BRINP1: variants seen among roughly 807,000 people sequenced by gnomAD.
The protein encoded by BRINP1 is BMP/retinoic acid inducible neural specific 1.
BRINP1 carries 17 observed loss-of-function variants against 72.9 expected under a neutral mutation model. The ratio of observed to expected loss-of-function variants is 0.23; its 90% CI spans 0.16 to 0.35. The LOEUF is 0.35. Among genes scored for constraint, BRINP1 ranks in the 10% least tolerant of loss-of-function variants. The pLI, the probability that BRINP1 is intolerant of heterozygous loss-of-function variation, is 1.00. For missense variants in BRINP1, 850 were observed against 1,001.6 expected, an observed-to-expected ratio of 0.85 and a Z score of 2.04; for synonymous variants, 418 against 378.5, an observed-to-expected ratio of 1.10 and a Z score of -1.21.
chr9:119,303,875 CT>C (rs11292229), intron 2 of BRINP1, among the ~76,000 whole-genome samples: 64,221 of 138,596 alleles, frequency 0.46, 14,425 homozygotes, highest in African/African-American at 0.56. Context: ...CTCTTTTTTT[CT>C]TTTTTTTTTT....
Position 119,167,283 on chromosome 9 carries a change from A to C in BRINP1, c.2087T>G (p.Leu696Trp). 2 of 1,614,146 alleles carry C rather than the reference A, an allele frequency of 1.2e-6. No individual in the cohort carries two copies. Among genetic ancestry groups the C allele is most frequent in the Non-Finnish European group, 1.7e-6 (2 of 1,180,034 alleles). ...FYSSSSVMLL[L>W]LDIRDRINRL... ...ATTAATTCGGTCCCGAATATCCAAC[A>C]AGAGGAGCATCACTGACGAAGAGGA... The change falls in exon 8 of 8, where the codon TTG becomes TGG. Residue 696 changes from leucine (L) to tryptophan (W), a missense_variant. By Grantham distance (61) the Leu-to-Trp change is moderately conservative. Coordinates refer to ENST00000265922, the MANE Select transcript of BRINP1 (RefSeq NM_014618.3). This position sits in a 1 kb window ranked among gnomAD's most constrained non-coding sequence, Gnocchi z 4.3.
chr9:119,310,507 G>A (rs549299649), intron 2 of BRINP1, among the ~76,000 whole-genome samples: 2 of 152,296 alleles, frequency 1.3e-5, no homozygotes, highest in South Asian at 2.1e-4. Flanking sequence ...CAGCCTCTGT[G>A]TACAAATGCA....
At chr9:119,361,094 A>C (rs1050227082) in intron 1 of BRINP1, among the ~76,000 whole-genome samples, 1 of 152,062 alleles carries the variant, frequency 6.6e-6, no homozygotes, top group East Asian at 1.9e-4. Context: ...CAGGCTCTCC[A>C]TTCCTGTGTG....
rs557388620 is a variant in BRINP1 at position 119,368,246 on chromosome 9, C to T, written c.-51+810G>A. On this transcript the variant is annotated intron_variant, in intron 1 of 7. Coordinates refer to ENST00000265922, the MANE Select transcript of BRINP1 (RefSeq NM_014618.3). The surrounding 1 kb of genome is among the most constrained non-coding windows in gnomAD (Gnocchi z 4.7). ...TCCAAGCCCCAGATAAGGAGCCCAC[C>T]GCTGACTTCCCCCTTTCTCTGTCAC... 6.6e-6 allele frequency among the ~76,000 whole-genome samples: 1 copy of T among 152,176 alleles called. No homozygotes were observed. Among genetic ancestry groups the T allele is most frequent in the Non-Finnish European group, 1.5e-5 (1 of 68,036 alleles).
At chr9:119,323,817 T>C (rs1457294999) in intron 1 of BRINP1, among the ~76,000 whole-genome samples, 1 of 152,116 alleles carries the variant, frequency 6.6e-6, no homozygotes, top group African/African-American at 2.4e-5. Flanking sequence ...CATGGTAAAA[T>C]TGTAACTTGG....
intron 1 of BRINP1, among the ~76,000 whole-genome samples, chr9:119,325,286 C>G (rs1046822001): frequency 3.3e-5 from 5 of 152,130 alleles, no homozygotes; most frequent in Non-Finnish European, 7.4e-5. Context: ...TATCCCCAAC[C>G]AAACTCATTA....
chr9:119,186,790 C>G (rs1829626172), intron 7 of BRINP1, among the ~76,000 whole-genome samples: 1 of 152,168 alleles, frequency 6.6e-6, no homozygotes, highest in African/African-American at 2.4e-5. Context: ...TATTTGAACC[C>G]TAGAGCCCAA....
chr9:119,294,699 C>T (rs1439812167), intron 2 of BRINP1, among the ~76,000 whole-genome samples: 1 of 151,800 alleles, frequency 6.6e-6, no homozygotes, highest in Non-Finnish European at 1.5e-5. Flanking sequence ...AACCCCATCT[C>T]TACTAAAAAT....
chr9:119,344,429 A>T (rs112523135), intron 1 of BRINP1, among the ~76,000 whole-genome samples: 1,756 of 152,354 alleles, frequency 0.012, 15 homozygotes, highest in Non-Finnish European at 0.018. Context: ...AGTAAAGGTC[A>T]TACTGTCTTG....
intron 5 of BRINP1, among the ~76,000 whole-genome samples, chr9:119,225,726 G>T (rs1394288556): frequency 6.6e-6 from 1 of 151,956 alleles, no homozygotes; most frequent in Non-Finnish European, 1.5e-5. Context: ...CTGAAGGGAA[G>T]GGGAAATAGA....
intron 1 of BRINP1, among the ~76,000 whole-genome samples, chr9:119,342,946 G>A (rs1831419077): frequency 6.6e-6 from 1 of 152,158 alleles, no homozygotes; most frequent in African/African-American, 2.4e-5. Context: ...TTGGCAAGTT[G>A]CTTTATTTCT....
intron 2 of BRINP1, among the ~76,000 whole-genome samples, chr9:119,260,446 G>C (rs1830484869): frequency 6.6e-6 from 1 of 152,140 alleles, no homozygotes; most frequent in South Asian, 2.1e-4. Context: ...CATTGACCCA[G>C]ACATCAAATA....
chr9:119,312,307 T>G (rs1831076790), intron 2 of BRINP1, among the ~76,000 whole-genome samples: 1 of 152,234 alleles, frequency 6.6e-6, no homozygotes, highest in Non-Finnish European at 1.5e-5. Flanking sequence ...TGTGTGTTTA[T>G]GATAACAAGG....
At chr9:119,315,326 C>G (rs903015768) in intron 1 of BRINP1, among the ~76,000 whole-genome samples, 3 of 152,028 alleles carry the variant, frequency 2.0e-5, no homozygotes, top group African/African-American at 7.2e-5. Context: ...CAAAATATTT[C>G]ACACTTTTTT....
intron 7 of BRINP1, among the ~76,000 whole-genome samples, chr9:119,176,826 G>A (rs557232956): frequency 6.6e-6 from 1 of 152,158 alleles, no homozygotes; most frequent in African/African-American, 2.4e-5. Flanking sequence ...AATGGATACT[G>A]TTGAAATGGC....
intron 7 of BRINP1, among the ~76,000 whole-genome samples, chr9:119,196,599 T>C (rs962089514): frequency 2.0e-5 from 3 of 152,200 alleles, no homozygotes; most frequent in Non-Finnish European, 2.9e-5. Context: ...ATAAGGACAA[T>C]TGCACTAAGT....
At chr9:119,212,260 T>C (rs1829936700) in intron 6 of BRINP1, among the ~76,000 whole-genome samples, 1 of 152,152 alleles carries the variant, frequency 6.6e-6, no homozygotes, top group South Asian at 2.1e-4. Flanking sequence ...GGGCTTAGAG[T>C]TCACAGAAAC....
intron 2 of BRINP1, among the ~76,000 whole-genome samples, chr9:119,279,454 A>G (rs186370567): frequency 1.9e-4 from 29 of 152,320 alleles, no homozygotes; most frequent in Middle Eastern, 3.4e-3. Flanking sequence ...GTCTCCCTTA[A>G]GAGAGTTGAG....
chr9:119,289,758 G>A lies in BRINP1; in HGVS notation c.218+23380C>T, dbSNP rs146845589. Among the ~76,000 whole-genome samples the A allele has an allele frequency of 7.0e-4, 107 of 152,282 alleles. 1 individual carries two copies. In the Middle Eastern group the frequency reaches 0.01, roughly 15 times the overall value. On this transcript the variant is annotated intron_variant, in intron 2 of 7. Transcript: ENST00000265922. ...AGAAACCTAGAAGAACCCATGCATT[G>A]GTTAATAACTCATTGACCTAAGTCA...
Sources: gnomAD v4.1 joint callset for allele counts (sites outside exome capture counted in the v4.1 genomes callset) on GRCh38, gnomAD v4.1.1 for gene constraint, Gnocchi (gnomAD v3.1) non-coding constraint, MANE v1.5 for transcripts, NCBI Gene and HGNC (gene_info 2026-07-23, HGNC 2026-07-21) for gene names.